NAA25: variants seen among roughly 807,000 people sequenced by gnomAD.
NAA25 encodes N-terminal acetyltransferase B complex subunit NAA25.
In NAA25, 30 loss-of-function variants were observed where a neutral mutation model predicts 132.5. That is an observed-to-expected ratio of 0.23 (90% CI 0.17 to 0.31). The LOEUF (loss-of-function observed/expected upper bound fraction) is 0.31, where lower values mean the gene tolerates loss of function less well. Ranked by LOEUF, NAA25 falls within the 10% of genes least tolerant of loss-of-function variation. The pLI is 1.00. For synonymous variants in NAA25, 359 were observed against 401.9 expected, an observed-to-expected ratio of 0.89 and a Z score of 1.28; for missense variants, 771 against 1,150.4, an observed-to-expected ratio of 0.67 and a Z score of 4.77.
intron 21 of NAA25, 108 bp downstream of exon 21, chr12:112,040,373 G>T: frequency 1.7e-6 from 1 of 598,882 alleles, no homozygotes; most frequent in East Asian, 3.1e-5. Flanking sequence ...CAGGGATGGA[G>T]GGTTAAGTTA....
At chr12:112,097,310 GAA>G (rs2079226742) in intron 1 of NAA25, 1 of 152,040 alleles carries the variant, frequency 6.6e-6, no homozygotes, top group Admixed American at 6.6e-5. Context: ...GTGCAGCAAA[GAA>G]AAAGAGTTGT....
intron 17 of NAA25, among the ~76,000 whole-genome samples, chr12:112,045,759 C>T (rs2078372262): frequency 6.6e-6 from 1 of 152,118 alleles, no homozygotes; most frequent in African/African-American, 2.4e-5. Flanking sequence ...CATGCGACTG[C>T]ACTCTAGCCT....
Position 112,048,369 on chromosome 12 carries a change from G to C in NAA25, c.1803C>G (p.Asn601Lys). 6.2e-6 allele frequency: 10 copies of C among 1,613,902 alleles called. No individual in the cohort carries two copies. The highest frequency in any genetic ancestry group is 1.3e-5 in the African/African-American group (1 of 75,042). ...CAAAATGAAGAGAATTATTCAGCCT[G>C]TTCCTAAAAGCGATAAACTCTGGGA... ...EKIPEFIAFR[N>K]RLNNSLHFAQ... The change falls in exon 16 of 24, where the codon AAC (asparagine) becomes AAG (lysine). Residue 601 changes from asparagine to lysine, a missense_variant. Transcript: ENST00000261745.
chr12:112,030,696 C>A (rs936287448), intron 23 of NAA25, among the ~76,000 whole-genome samples: 9 of 152,142 alleles, frequency 5.9e-5, no homozygotes, highest in Non-Finnish European at 1.3e-4. Context: ...TAGAAGAAAC[C>A]GGGAACATAC....
intron 1 of NAA25, among the ~76,000 whole-genome samples, chr12:112,097,945 C>T (rs577955940): frequency 9.7e-4 from 148 of 151,838 alleles, no homozygotes; most frequent in Non-Finnish European, 9.0e-4. Context: ...CGGTGAAACC[C>T]CGTCTCTACC....
At chr12:112,098,119 C>CAAAAA (rs60232542) in intron 1 of NAA25, among the ~76,000 whole-genome samples, 17 of 54,128 alleles carry the variant, frequency 3.1e-4, no homozygotes, top group African/African-American at 6.5e-4. Flanking sequence ...GACTCCATCT[C>CAAAAA]AAAAAAAAAA....
intron 4 of NAA25, among the ~76,000 whole-genome samples, chr12:112,084,231 G>A (rs889794315): frequency 1.3e-5 from 2 of 152,180 alleles, no homozygotes; most frequent in African/African-American, 2.4e-5. Context: ...ATTTGGGGCA[G>A]CAGAAGCTCT....
chr12:112,042,988 A>G, intron 19 of NAA25, 100 bp downstream of exon 19: 1 of 1,186,438 alleles, frequency 8.4e-7, no homozygotes, highest in Non-Finnish European at 1.2e-6. Context: ...TCCAGCTTCC[A>G]TGTACTCTAA....
At position 112,102,799 on chromosome 12, in the gene NAA25, GC is replaced by G. The variant is rs886477605; in HGVS notation, c.58+5916del. 4.0e-5 allele frequency among the ~76,000 whole-genome samples: 6 copies of G among 150,034 alleles called. No homozygotes were observed. In the Admixed American group the frequency reaches 4.1e-4, roughly 10 times the overall value. ...CCTCCTGGGTTCACGCGATTCTCTT[GC>G]CTCAGCCTTCTGAATAGCTGGGATT... On this transcript the variant is annotated intron_variant, in intron 1 of 23. Coordinates refer to ENST00000261745, the MANE Select transcript of NAA25 (RefSeq NM_024953.4).
At chr12:112,064,122 G>T (rs1002326868) in intron 11 of NAA25, 2 of 152,090 alleles carry the variant, frequency 1.3e-5, no homozygotes, top group African/African-American at 4.8e-5. Context: ...CATCTGTAAT[G>T]AATTTGCTTC....
intron 5 of NAA25, among the ~76,000 whole-genome samples, chr12:112,080,856 T>C (rs962588084): frequency 4.6e-5 from 7 of 152,074 alleles, no homozygotes; most frequent in Admixed American, 2.6e-4. Flanking sequence ...TAGTCCCAGC[T>C]ACTTGGGAGG....
chr12:112,056,017 T>C (rs2078539420), intron 13 of NAA25, among the ~76,000 whole-genome samples: 1 of 151,768 alleles, frequency 6.6e-6, no homozygotes. Flanking sequence ...CTGGGAAACA[T>C]GGCAAAACCC....
intron 11 of NAA25, among the ~76,000 whole-genome samples, chr12:112,068,645 G>C (rs1417368032): frequency 6.6e-6 from 1 of 152,028 alleles, no homozygotes; most frequent in Non-Finnish European, 1.5e-5. Context: ...CTCAAAATAA[G>C]ACAGTCAAAA....
At chr12:112,086,687 ATT>A (rs1453130503) in intron 4 of NAA25, among the ~76,000 whole-genome samples, 1 of 152,120 alleles carries the variant, frequency 6.6e-6, no homozygotes, top group South Asian at 2.1e-4. Context: ...TTCAGAAGAT[ATT>A]ATACCCACAA....
chr12:112,039,107 C>T, intron 22 of NAA25, 122 bp downstream of exon 22: 1 of 500,196 alleles, frequency 2.0e-6, no homozygotes, highest in Non-Finnish European at 3.5e-6. Flanking sequence ...CATCGTGGGC[C>T]ATGGGTTGGA....
chr12:112,039,253 CTTCTTT>C lies in NAA25; in HGVS notation c.2619_2624del (p.Lys876_Lys877del), dbSNP rs1461002411. ...CCATGATGATGCTGGTTTCTTTTTTCTTCTTTTTCTTTTTCTGTAAATTTAGTTTGT... is the reference window on the plus strand; with the variant it reads ...CCATGATGATGCTGGTTTCTTTTTTCTTCTTTTTCTGTAAATTTAGTTTGT... On this transcript the variant is annotated inframe_deletion, in exon 22 of 24. Transcript: ENST00000261745. 1 of 1,600,406 alleles carries C rather than the reference CTTCTTT, an allele frequency of 6.2e-7. No individual in the cohort carries two copies.
intron 10 of NAA25, among the ~76,000 whole-genome samples, chr12:112,071,481 G>A (rs1253132541): frequency 6.6e-6 from 1 of 151,986 alleles, no homozygotes; most frequent in Admixed American, 6.6e-5. Context: ...ACAGATGTGC[G>A]TCATTATGCC....
rs200147564 is a variant in NAA25 at position 112,048,481 on chromosome 12, A to C, written c.1729-38T>G. On this transcript the variant is annotated intron_variant, in intron 15 of 23. Coordinates refer to ENST00000261745, the MANE Select transcript of NAA25 (RefSeq NM_024953.4). ...GACATCACCTTGGTATAAATAGTTC[A>C]CAAGTCAGGCAATGTAAGCAAACCT... 7.3e-5 allele frequency: 115 copies of C among 1,580,764 alleles called. No individual in the cohort carries two copies. The East Asian group carries it at 2.4e-3, about 33-fold the overall frequency.
rs1048812391 is a variant in NAA25, at chr12:112,027,193, CAAAA to C, written c.*2334_*2337del. On this transcript the variant is annotated 3_prime_UTR_variant, in exon 24 of 24. Transcript: ENST00000261745. ...GTTTACCACACAAAAACAAACAAAA[CAAAA>C]AAACCCATACAAATCAAAAACAGCA... 6.6e-6 allele frequency: 1 copy of C among 152,164 alleles called. No homozygotes were observed. Among genetic ancestry groups the C allele is most frequent in the Admixed American group, 6.6e-5 (1 of 15,220 alleles). The allele number at this position is 152,164 out of a possible 1,614,324, so 9.4% of individuals were successfully genotyped here. A position where few individuals can be genotyped will look rare whatever the true frequency, so the allele number is the denominator to read the frequency against.
Sources: allele counts gnomAD v4.1 joint callset (sites outside exome capture counted in the v4.1 genomes callset), GRCh38; gene constraint gnomAD v4.1.1; transcripts MANE v1.5; gene names NCBI Gene and HGNC (gene_info 2026-07-23, HGNC 2026-07-21).